Variants in PREP observed in about 807,000 individuals in gnomAD.
The protein encoded by PREP is dJ355L5.1 (prolyl endopeptidase).
PREP carries 29 observed loss-of-function variants against 87.6 expected under a neutral mutation model. That is an observed-to-expected ratio of 0.33 (90% CI 0.25 to 0.45). The LOEUF (loss-of-function observed/expected upper bound fraction) is 0.45. Among genes scored for constraint, PREP ranks in the 20% least tolerant of loss-of-function variants. The pLI is 1.00. For synonymous variants in PREP, 337 were observed against 328.6 expected (o/e 1.03, Z -0.28); for missense variants, 695 against 886.5 (o/e 0.78, Z 2.74).
intron 5 of PREP, among the ~76,000 whole-genome samples, chr6:105,372,875 T>C (rs914047157): frequency 1.8e-4 from 28 of 152,170 alleles, no homozygotes; most frequent in South Asian, 1.5e-3. Context: ...TCTCCACCCA[T>C]TGAAAAGGGG....
Position 105,371,458 on chromosome 6 carries a change from G to T in PREP, c.595+1911C>A, listed in dbSNP as rs965745210. ...ACAGGTTGCAGTGAGCTGAGATCACGCCACTGCACTCCAGCCTGGGTGACA... is the reference window on the plus strand; with the variant it reads ...ACAGGTTGCAGTGAGCTGAGATCACTCCACTGCACTCCAGCCTGGGTGACA... On this transcript the variant is annotated intron_variant, in intron 5 of 14. Coordinates refer to ENST00000652536, the MANE Select transcript of PREP (RefSeq NM_002726.5). Among the ~76,000 whole-genome samples the T allele has an allele frequency of 2.5e-5, 3 of 120,222 alleles. No homozygotes were observed. In the Admixed American group the frequency reaches 3.4e-4, roughly 14 times the overall value. The allele number at this position is 120,222 out of a possible 152,430, so 78.9% of individuals were successfully genotyped here. A position where few individuals can be genotyped will look rare whatever the true frequency, so the allele number is the denominator to read the frequency against.
intron 6 of PREP, 25 bp from the exon 7 acceptor site, chr6:105,353,102 AG>A: frequency 6.6e-7 from 1 of 1,517,486 alleles, no homozygotes; most frequent in Non-Finnish European, 9.1e-7. Context: ...AAAATAGTGC[AG>A]GGGACTAATT....
Position 105,273,511 on chromosome 6 carries a change from C to G in PREP, c.*4633G>C, listed in dbSNP as rs1393882223. The G allele has an allele frequency of 6.6e-6, 1 of 152,088 alleles. No homozygotes were observed. Among genetic ancestry groups the G allele is most frequent in the Non-Finnish European group, 1.5e-5 (1 of 68,026 alleles). 9.4% of individuals were successfully genotyped at this position (152,088 alleles called of 1,614,324 possible). A position where few individuals can be genotyped will look rare whatever the true frequency, so the allele number is the denominator to read the frequency against. On this transcript the variant is annotated 3_prime_UTR_variant, in exon 15 of 15. Transcript: ENST00000652536. ...GATATTTCACTTAATCAGACTATAC[C>G]CAGTCATTTGTGTCTGGCTTCTTTC...
intron 7 of PREP, among the ~76,000 whole-genome samples, chr6:105,344,074 A>G (rs563996912): frequency 6.6e-6 from 1 of 152,362 alleles, no homozygotes; most frequent in East Asian, 1.9e-4. Flanking sequence ...ATGCACACGT[A>G]TGTTTATTGC....
At chr6:105,385,400 C>T (rs1194609253) in intron 2 of PREP, among the ~76,000 whole-genome samples, 8 of 151,626 alleles carry the variant, frequency 5.3e-5, no homozygotes, top group Non-Finnish European at 8.8e-5. Flanking sequence ...AATATAACCA[C>T]GGATTGGGAG....
chr6:105,372,401 C>G (rs180723432), intron 5 of PREP, among the ~76,000 whole-genome samples: 1 of 152,254 alleles, frequency 6.6e-6, no homozygotes, highest in Admixed American at 6.5e-5. Context: ...GTAAAACTTA[C>G]CTGTAAAGAC....
At chr6:105,335,639 C>G (rs1771457552) in intron 7 of PREP, among the ~76,000 whole-genome samples, 1 of 152,178 alleles carries the variant, frequency 6.6e-6, no homozygotes, top group East Asian at 1.9e-4. Context: ...CACCTGTAAT[C>G]CCAGCATTTT....
intron 8 of PREP, among the ~76,000 whole-genome samples, chr6:105,329,837 G>A (rs74450102): frequency 0.031 from 4,748 of 152,282 alleles, 241 homozygotes; most frequent in African/African-American, 0.099. Flanking sequence ...TGACTGGTGG[G>A]TTGAGGATCC....
chr6:105,309,185 A>C (rs1168380959), intron 10 of PREP, among the ~76,000 whole-genome samples: 1 of 152,096 alleles, frequency 6.6e-6, no homozygotes, highest in African/African-American at 2.4e-5. Flanking sequence ...CTGGCAGCCA[A>C]ATGTGATCAC....
intron 10 of PREP, among the ~76,000 whole-genome samples, chr6:105,301,692 G>A (rs1233969255): frequency 6.6e-6 from 1 of 152,134 alleles, no homozygotes; most frequent in Non-Finnish European, 1.5e-5. Context: ...GGTAACACTG[G>A]GGATTTAAAA....
chr6:105,357,501 T>A (rs80006397), intron 6 of PREP, among the ~76,000 whole-genome samples: 3 of 152,238 alleles, frequency 2.0e-5, no homozygotes, highest in African/African-American at 7.2e-5. Flanking sequence ...CTCTTCATTA[T>A]AATTCTCTTC....
chr6:105,323,020 G>A lies in PREP; in HGVS notation c.1317+645C>T, dbSNP rs183232630. 48 of 1,303,806 alleles carry A rather than the reference G, an allele frequency of 3.7e-5. No individual in the cohort carries two copies. In the East Asian group the frequency reaches 2.2e-3, roughly 59 times the overall value. The allele number at this position is 1,303,806 out of a possible 1,614,324, so 80.8% of individuals were successfully genotyped here. On this transcript the variant is annotated intron_variant, in intron 10 of 14. Coordinates refer to ENST00000652536, the MANE Select transcript of PREP (RefSeq NM_002726.5). ...TTGATAAACACCTGGTGCCCTATTG[G>A]TGACCTCTCATTGCAAAGGAACAGA...
chr6:105,376,362 T>TA, intron 3 of PREP, 107 bp from the exon 4 acceptor site: 5 of 1,344,836 alleles, frequency 3.7e-6, no homozygotes, highest in Non-Finnish European at 5.1e-6. Flanking sequence ...CCTAAAAAGG[T>TA]ACCACTGTAA....
chr6:105,329,150 T>G lies in PREP; in HGVS notation c.1016-124A>C, dbSNP rs1771254019. 3.2e-6 allele frequency: 3 copies of G among 951,996 alleles called. No homozygotes were observed. The East Asian group carries it at 7.9e-5, about 25-fold the overall frequency. 59.0% of individuals were successfully genotyped at this position (951,996 alleles called of 1,614,324 possible). A position where few individuals can be genotyped will look rare whatever the true frequency, so the allele number is the denominator to read the frequency against. ...CAGCAATGAGACTTGCAAAGTCACTTTTACATTTTTTTTTTTTTTTGAGAC... is the reference window on the plus strand; with the variant it reads ...CAGCAATGAGACTTGCAAAGTCACTGTTACATTTTTTTTTTTTTTTGAGAC... On this transcript the variant is annotated intron_variant, in intron 8 of 14. Transcript: ENST00000652536.
intron 10 of PREP, chr6:105,322,907 C>T (rs543273412): frequency 6.7e-6 from 8 of 1,199,952 alleles, no homozygotes; most frequent in East Asian, 5.8e-5. Flanking sequence ...GAACATCCAG[C>T]GCTCTTTATT....
At chr6:105,327,901 A>G (rs1481525260) in intron 9 of PREP, among the ~76,000 whole-genome samples, 4 of 150,682 alleles carry the variant, frequency 2.7e-5, no homozygotes, top group Non-Finnish European at 1.5e-5. Context: ...GTGCAGATGG[A>G]CAGAATGGAG....
intron 12 of PREP, among the ~76,000 whole-genome samples, chr6:105,283,947 T>C (rs1770133166): frequency 6.6e-6 from 1 of 152,156 alleles, no homozygotes; most frequent in Non-Finnish European, 1.5e-5. Context: ...AATCCAGTTA[T>C]TTCAGGAGAG....
rs775366713 is a variant in PREP at position 105,281,712 on chromosome 6, CA to C, written c.1838+33del. The C allele has an allele frequency of 3.2e-5, 51 of 1,598,786 alleles. No homozygotes were observed. In the South Asian group the frequency reaches 5.7e-4, roughly 18 times the overall value. On this transcript the variant is annotated intron_variant, in intron 14 of 14. Coordinates refer to ENST00000652536, the MANE Select transcript of PREP (RefSeq NM_002726.5). ...GACTGTGTTCAACTTTATATCAAACCACTAACAACATATATATGTCAATAAA... is the reference window on the plus strand; with the variant it reads ...GACTGTGTTCAACTTTATATCAAACCCTAACAACATATATATGTCAATAAA...
In PREP at chr6:105,278,494, A is replaced by AC. The variant is rs1439031896; in HGVS notation, c.1839-57dup. The AC allele has an allele frequency of 6.6e-7, 1 of 1,522,324 alleles. No homozygotes were observed. The highest frequency in any genetic ancestry group is 9.0e-7 in the Non-Finnish European group (1 of 1,112,050). 94.3% of individuals were successfully genotyped at this position (1,522,324 alleles called of 1,614,324 possible). A position where few individuals can be genotyped will look rare whatever the true frequency, so the allele number is the denominator to read the frequency against. On this transcript the variant is annotated intron_variant, in intron 14 of 14. Transcript: ENST00000652536. The surrounding 1 kb of genome is among the most constrained non-coding windows in gnomAD (Gnocchi z 4.2). ...GAGAGCAACAGTAGAGTTTTATGGC[A>AC]CAGGGACCTAGGTAGTTAATTAGCA...
Sources: allele counts gnomAD v4.1 joint callset (sites outside exome capture counted in the v4.1 genomes callset), GRCh38; gene constraint gnomAD v4.1.1; non-coding constraint Gnocchi (gnomAD v3.1); transcripts MANE v1.5; gene names NCBI Gene and HGNC (gene_info 2026-07-23, HGNC 2026-07-21).